LINGO1: variants seen among roughly 807,000 people sequenced by gnomAD.
LINGO1 encodes the protein leucine-rich repeat and immunoglobulin-like domain-containing nogo receptor-interacting protein 1.
Under a neutral mutation model 37.3 loss-of-function variants are expected in LINGO1, and 11 were observed. That is an observed-to-expected ratio of 0.29 (90% CI 0.19 to 0.49). LINGO1 has a LOEUF of 0.49. Among genes scored for constraint, LINGO1 ranks in the 20% least tolerant of loss-of-function variants. The pLI, the probability that LINGO1 is intolerant of heterozygous loss-of-function variation, is 0.99. For missense variants in LINGO1, 585 were observed against 878.2 expected, an observed-to-expected ratio of 0.67 and a Z score of 4.22; for synonymous variants, 387 against 403.0, an observed-to-expected ratio of 0.96 and a Z score of 0.48.
intron 1 of LINGO1, among the ~76,000 whole-genome samples, chr15:77,811,603 ACCCTCCCCTT>A (rs2077006501): frequency 6.6e-6 from 1 of 151,710 alleles, no homozygotes; most frequent in South Asian, 2.1e-4. Flanking sequence ...TTTGCAGAGG[ACCCTCCCCTT>A]CACTGCTATG....
At position 77,777,502 on chromosome 15, in the gene LINGO1, C is replaced by CAG. The variant is rs1555541616; in HGVS notation, c.-257+9365_-257+9366dup. 1.1e-3 allele frequency among the ~76,000 whole-genome samples: 163 copies of CAG among 148,780 alleles called. 1 individual carries two copies. Among genetic ancestry groups the CAG allele is most frequent in the East Asian group, 3.2e-3 (16 of 5,048 alleles). On this transcript the variant is annotated intron_variant, in intron 1 of 3. Transcript: ENST00000561686. ...ACACACACACACACACACACACACA[C>CAG]AGCTCAGAACACAGTGCGAGTGCAC...
intron 3 of LINGO1, among the ~76,000 whole-genome samples, chr15:77,655,743 T>A (rs1388049163): frequency 6.6e-6 from 1 of 152,314 alleles, no homozygotes; most frequent in African/African-American, 2.4e-5. Flanking sequence ...CAGGTCTGTC[T>A]ACCCCAAGCC....
intron 1 of LINGO1, among the ~76,000 whole-genome samples, chr15:77,781,483 T>C (rs1031733166): frequency 6.6e-6 from 1 of 152,218 alleles, no homozygotes; most frequent in South Asian, 2.1e-4. Context: ...AAAATTAATT[T>C]GCTTTAAGAA....
At chr15:77,729,946 T>C (rs553414558) in intron 2 of LINGO1, among the ~76,000 whole-genome samples, 1 of 152,294 alleles carries the variant, frequency 6.6e-6, no homozygotes, top group Non-Finnish European at 1.5e-5. Flanking sequence ...CAAATACTTA[T>C]TGGAATAAGG....
intron 1 of LINGO1, among the ~76,000 whole-genome samples, chr15:77,743,340 T>C (rs1436985421): frequency 6.6e-6 from 1 of 152,128 alleles, no homozygotes; most frequent in East Asian, 1.9e-4. Flanking sequence ...AGGGCCCCTA[T>C]GTACTCTGTA....
intron 1 of LINGO1, among the ~76,000 whole-genome samples, chr15:77,692,898 G>T (rs1237085634): frequency 1.3e-5 from 2 of 152,244 alleles, no homozygotes; most frequent in Non-Finnish European, 2.9e-5. Context: ...GGCCCAAAAG[G>T]TGAAAGACTT....
chr15:77,777,798 C>G (rs767805533), intron 1 of LINGO1, among the ~76,000 whole-genome samples: 50 of 152,102 alleles, frequency 3.3e-4, no homozygotes, highest in Non-Finnish European at 6.0e-4. Context: ...TGGCACAGAC[C>G]TGTGGTCCCA....
upstream of LINGO1, among the ~76,000 whole-genome samples, chr15:77,638,143 T>C (rs1206129548): frequency 6.6e-6 from 1 of 152,140 alleles, no homozygotes; most frequent in Non-Finnish European, 1.5e-5. Flanking sequence ...GGCAGAGAAA[T>C]GAGGTCTGGG....
intron 1 of LINGO1, among the ~76,000 whole-genome samples, chr15:77,799,636 C>G (rs926173921): frequency 6.6e-6 from 1 of 152,206 alleles, no homozygotes; most frequent in Non-Finnish European, 1.5e-5. Flanking sequence ...CTTTCTCTCT[C>G]TCTTTCCTGG....
chr15:77,666,660 A>C (rs1263574654), intron 3 of LINGO1, among the ~76,000 whole-genome samples: 1 of 152,244 alleles, frequency 6.6e-6, no homozygotes, highest in Non-Finnish European at 1.5e-5. Context: ...GGAGCAGCTA[A>C]CTTAATCTCC....
intron 2 of LINGO1, among the ~76,000 whole-genome samples, chr15:77,703,086 T>A (rs1433933243): frequency 6.6e-6 from 1 of 152,180 alleles, no homozygotes; most frequent in African/African-American, 2.4e-5. Flanking sequence ...ATCCCCCAGC[T>A]GTGAAGCAAA....
At chr15:77,800,238 G>C (rs1445284684) in intron 1 of LINGO1, among the ~76,000 whole-genome samples, 1 of 152,186 alleles carries the variant, frequency 6.6e-6, no homozygotes, top group Non-Finnish European at 1.5e-5. Flanking sequence ...GGGCAAGGGG[G>C]GCACATTCCG....
chr15:77,709,534 G>C (rs2075892931), intron 2 of LINGO1, among the ~76,000 whole-genome samples: 2 of 152,250 alleles, frequency 1.3e-5, no homozygotes, highest in South Asian at 4.1e-4. Context: ...TCACTGCCCT[G>C]GGTCTTCCTT....
intron 3 of LINGO1, among the ~76,000 whole-genome samples, chr15:77,662,798 C>T (rs538070546): frequency 6.6e-6 from 1 of 152,246 alleles, no homozygotes; most frequent in Non-Finnish European, 1.5e-5. Flanking sequence ...CTTGGTCACA[C>T]GCAGGCACAC....
intron 1 of LINGO1, among the ~76,000 whole-genome samples, chr15:77,737,705 G>T (rs1373836367): frequency 6.6e-6 from 1 of 151,644 alleles, no homozygotes; most frequent in Non-Finnish European, 1.5e-5. Context: ...ACTGGTCCCT[G>T]AGCTCTCAGC....
rs116658307 is a variant in LINGO1 at position 77,681,826 on chromosome 15, A to G, written c.-98-4652T>C. Reference sequence around the variant, plus strand: ...GACACCCAGGTGAGGGGTGAGCACCATTGCCACTGTGGTTGTCATAATCAT... The same window carrying G: ...GACACCCAGGTGAGGGGTGAGCACCGTTGCCACTGTGGTTGTCATAATCAT... On this transcript the variant is annotated intron_variant, in intron 2 of 3. Coordinates refer to the LINGO1 transcript ENST00000559893. Among the ~76,000 whole-genome samples the G allele has an allele frequency of 4.0e-3, 603 of 152,136 alleles. 7 individuals carry two copies. The highest frequency in any genetic ancestry group is 0.014 in the African/African-American group (570 of 41,504).
chr15:77,756,940 C>T lies in LINGO1; in HGVS notation c.-256-21887G>A, dbSNP rs573507679. 1.1e-4 allele frequency among the ~76,000 whole-genome samples: 16 copies of T among 152,346 alleles called. No homozygotes were observed. The South Asian group carries it at 2.3e-3, about 22-fold the overall frequency. On this transcript the variant is annotated intron_variant, in intron 1 of 3. Coordinates refer to the LINGO1 transcript ENST00000561686. ...CCTCAGGGACACCTTGGAGCTCAGCCTTGGGGAGGGGCCCCCACCTCTGCT... is the reference window on the plus strand; with the variant it reads ...CCTCAGGGACACCTTGGAGCTCAGCTTTGGGGAGGGGCCCCCACCTCTGCT...
chr15:77,779,724 T>A (rs2076696580), intron 1 of LINGO1, among the ~76,000 whole-genome samples: 4 of 152,154 alleles, frequency 2.6e-5, no homozygotes, highest in Admixed American at 2.6e-4. Flanking sequence ...CTACTGCTCA[T>A]CTCCTGCTGT....
chr15:77,740,987 AT>A (rs1427112110), intron 1 of LINGO1, among the ~76,000 whole-genome samples: 2 of 152,160 alleles, frequency 1.3e-5, no homozygotes, highest in Non-Finnish European at 2.9e-5. Flanking sequence ...GGGCTCAGGC[AT>A]TCCCAGCCCC....
Sources: allele counts gnomAD v4.1 joint callset (sites outside exome capture counted in the v4.1 genomes callset), GRCh38; gene constraint gnomAD v4.1.1; transcripts MANE v1.5; gene names NCBI Gene and HGNC (gene_info 2026-07-23, HGNC 2026-07-21).